The following MALRD1 variants were observed in gnomAD, a reference collection of about 807,000 sequenced individuals.
MALRD1 encodes the protein MAM and LDL receptor class A domain containing 1.
In MALRD1, 247 loss-of-function variants were observed where a neutral mutation model predicts 242.1. The observed-to-expected ratio is 1.02, with a 90% CI of 0.92 to 1.13. The LOEUF (loss-of-function observed/expected upper bound fraction) is 1.13, where lower values mean the gene tolerates loss of function less well. Ranked by LOEUF, MALRD1 falls within the 50% of genes most tolerant of loss-of-function variation. MALRD1 has a pLI of 0.00. For synonymous variants in MALRD1, 995 were observed against 866.6 expected, an observed-to-expected ratio of 1.15 and a Z score of -2.60; for missense variants, 2,989 against 2,533.1, an observed-to-expected ratio of 1.18 and a Z score of -3.86.
chr10:19,275,556 C>T (rs1385318820), intron 19 of MALRD1, among the ~76,000 whole-genome samples: 1 of 152,134 alleles, frequency 6.6e-6, no homozygotes, highest in Non-Finnish European at 1.5e-5. Context: ...GTAGTCCCCA[C>T]TACTCAGGTG....
At chr10:19,492,460 G>A (rs921630647) in intron 30 of MALRD1, among the ~76,000 whole-genome samples, 4 of 152,090 alleles carry the variant, frequency 2.6e-5, no homozygotes, top group African/African-American at 7.2e-5. Flanking sequence ...GGCCTGAGTC[G>A]AACTGATAGG....
chr10:19,518,096 G>A (rs531675207), intron 31 of MALRD1, among the ~76,000 whole-genome samples: 12 of 152,212 alleles, frequency 7.9e-5, no homozygotes, highest in Admixed American at 2.0e-4. Context: ...GCCTTATTTC[G>A]GAATATTGTC....
intron 28 of MALRD1, among the ~76,000 whole-genome samples, chr10:19,421,792 T>C (rs1478590928): frequency 6.6e-6 from 1 of 152,224 alleles, no homozygotes; most frequent in Non-Finnish European, 1.5e-5. Flanking sequence ...GGCAGATTGC[T>C]ATTGCCTTTT....
intron 18 of MALRD1, among the ~76,000 whole-genome samples, chr10:19,220,874 A>G (rs1241529485): frequency 1.3e-5 from 2 of 152,152 alleles, no homozygotes; most frequent in Non-Finnish European, 2.9e-5. Context: ...CAGGTCTTAC[A>G]ATCTTCAACC....
At chr10:19,588,987 G>T (rs1263178066) in intron 33 of MALRD1, among the ~76,000 whole-genome samples, 1 of 152,168 alleles carries the variant, frequency 6.6e-6, no homozygotes, top group Admixed American at 6.5e-5. Context: ...ACCCATGCTA[G>T]CTGATGTTTA....
chr10:19,545,365 A>G (rs189379231), intron 32 of MALRD1, among the ~76,000 whole-genome samples: 261 of 152,304 alleles, frequency 1.7e-3, no homozygotes, highest in African/African-American at 6.1e-3. Context: ...TTTTGCTCAT[A>G]TGCATTTCAG....
chr10:19,438,683 C>T (rs1317222088), intron 28 of MALRD1, among the ~76,000 whole-genome samples: 1 of 152,100 alleles, frequency 6.6e-6, no homozygotes, highest in African/African-American at 2.4e-5. Context: ...TTTATAGTAG[C>T]CATGTCAGTG....
chr10:19,124,572 A>G lies in MALRD1; in HGVS notation c.845A>G (p.Glu282Gly), dbSNP rs1232955603. 8.1e-7 allele frequency: 1 copy of G among 1,233,760 alleles called. No homozygotes were observed. Among genetic ancestry groups the G allele is most frequent in the African/African-American group, 1.6e-5 (1 of 64,472 alleles). The allele number at this position is 1,233,760 out of a possible 1,614,324, so 76.4% of individuals were successfully genotyped here. ...TTTGACATGTGTGAGTGGACGTCAGAAGCATCTGCTGGCCAAATTTCCTGG... is the reference window on the plus strand; with the variant it reads ...TTTGACATGTGTGAGTGGACGTCAGGAGCATCTGCTGGCCAAATTTCCTGG... ...FEFDMCEWTS[E>G]ASAGQISWMR... The change falls in exon 7 of 40, where the codon GAA (glutamate) becomes GGA (glycine). Residue 282 changes from glutamate (E) to glycine (G), a missense_variant. Glu to Gly is a moderately conservative substitution (Grantham distance 98). Coordinates refer to ENST00000454679, the MANE Select transcript of MALRD1 (RefSeq NM_001142308.3).
rs142204366 is a variant in MALRD1, at chr10:19,567,521, C to T, written c.5498C>T (p.Ser1833Leu). The change falls in exon 33 of 40, where the codon TCG becomes TTG. Residue 1833 changes from serine (S) to leucine (L), a missense_variant. Ser to Leu is a moderately radical substitution (Grantham distance 145). Coordinates refer to ENST00000454679, the MANE Select transcript of MALRD1 (RefSeq NM_001142308.3). ...TTAAAGGTGTATACCATTGAAGAAT[C>T]GGGGCTAAACATCCTGGTGTGGTCA... ...GILKVYTIEESGLNILVWSVI... is the reference protein window; with the variant it reads ...GILKVYTIEELGLNILVWSVI... 60 of 1,550,236 alleles carry T rather than the reference C, an allele frequency of 3.9e-5. No individual in the cohort carries two copies. The African/African-American group carries it at 4.0e-4, about 10-fold the overall frequency.
intron 17 of MALRD1, among the ~76,000 whole-genome samples, chr10:19,206,787 G>T (rs999457687): frequency 1.3e-5 from 2 of 152,180 alleles, no homozygotes; most frequent in Non-Finnish European, 2.9e-5. Context: ...AAGTTTGAGT[G>T]TGCAGTCAGC....
intron 4 of MALRD1, among the ~76,000 whole-genome samples, chr10:19,095,770 A>T (rs115223103): frequency 1.3e-5 from 2 of 152,064 alleles, no homozygotes; most frequent in African/African-American, 4.8e-5. Flanking sequence ...ACCGCTGGAG[A>T]AGTTATTTTA....
intron 26 of MALRD1, among the ~76,000 whole-genome samples, chr10:19,358,949 T>C (rs1844767390): frequency 6.6e-6 from 1 of 152,174 alleles, no homozygotes; most frequent in African/African-American, 2.4e-5. Context: ...CTCTAAAATT[T>C]CTAATTGCTA....
At chr10:19,050,849 G>C (rs1834472116) in intron 1 of MALRD1, among the ~76,000 whole-genome samples, 1 of 152,154 alleles carries the variant, frequency 6.6e-6, no homozygotes, top group Admixed American at 6.5e-5. Context: ...CAGTACCCTG[G>C]CTGTGATAAC....
rs187428993 is a variant in MALRD1 at position 19,723,939 on chromosome 10, T to C, written c.6315-6767T>C. On this transcript the variant is annotated intron_variant, in intron 38 of 39. Transcript: ENST00000454679. Reference sequence around the variant, plus strand: ...CAGGTGTGTTGGCATGCACCTATAGTCCCAGCAACTCAGGGGGCTGAGGCA... The same window carrying C: ...CAGGTGTGTTGGCATGCACCTATAGCCCCAGCAACTCAGGGGGCTGAGGCA... Among the ~76,000 whole-genome samples, 499 of 150,586 alleles carry C rather than the reference T, an allele frequency of 3.3e-3. 2 individuals are homozygous for C. The highest frequency in any genetic ancestry group is 0.011 in the African/African-American group (467 of 40,916).
intron 18 of MALRD1, among the ~76,000 whole-genome samples, chr10:19,232,905 T>C (rs1204640788): frequency 6.6e-6 from 1 of 152,190 alleles, no homozygotes; most frequent in Non-Finnish European, 1.5e-5. Context: ...CTTCACACTT[T>C]TACTTAATAG....
At chr10:19,080,103 T>C (rs1425601540) in intron 2 of MALRD1, among the ~76,000 whole-genome samples, 1 of 151,888 alleles carries the variant, frequency 6.6e-6, no homozygotes, top group Non-Finnish European at 1.5e-5. Context: ...AAACTACTGC[T>C]GAAAGAAATC....
At chr10:19,148,523 A>C (rs1833805684) in intron 11 of MALRD1, among the ~76,000 whole-genome samples, 2 of 152,084 alleles carry the variant, frequency 1.3e-5, no homozygotes, top group Admixed American at 1.3e-4. Context: ...AACACCAGAT[A>C]AGACAATTAG....
intron 38 of MALRD1, among the ~76,000 whole-genome samples, chr10:19,718,159 G>A (rs1834498937): frequency 6.6e-6 from 1 of 150,694 alleles, no homozygotes; most frequent in Admixed American, 6.6e-5. Flanking sequence ...AGAGGAAGAG[G>A]AAAAGAGGAA....
At chr10:19,479,414 G>GA (rs1836887873) in intron 29 of MALRD1, among the ~76,000 whole-genome samples, 1 of 152,206 alleles carries the variant, frequency 6.6e-6, no homozygotes, top group Non-Finnish European at 1.5e-5. Context: ...TCGGATGAGA[G>GA]AACGTATGGA....
Sources: allele counts gnomAD v4.1 joint callset (sites outside exome capture counted in the v4.1 genomes callset), GRCh38; gene constraint gnomAD v4.1.1; transcripts MANE v1.5; gene names NCBI Gene and HGNC (gene_info 2026-07-23, HGNC 2026-07-21).